GRIN2A: variants seen among roughly 807,000 people sequenced by gnomAD.
The protein encoded by GRIN2A is glutamate receptor ionotropic, NMDA 2A.
In GRIN2A, 22 loss-of-function variants were observed where a neutral mutation model predicts 113.4. That is an observed-to-expected ratio of 0.19 (90% CI 0.14 to 0.28). GRIN2A has a LOEUF of 0.28. GRIN2A is among the 10% of genes least tolerant of loss of function. The probability of loss-of-function intolerance (pLI) is 1.00; values close to 1 mark genes in which losing one functional copy is unlikely to be tolerated. For missense variants in GRIN2A, 1,502 were observed against 1,887.0 expected, an observed-to-expected ratio of 0.80 and a Z score of 3.78; for synonymous variants, 827 against 738.4, an observed-to-expected ratio of 1.12 and a Z score of -1.94.
chr16:10,067,779 G>C (rs1015156618), intron 2 of GRIN2A, among the ~76,000 whole-genome samples: 1 of 152,096 alleles, frequency 6.6e-6, no homozygotes, highest in Non-Finnish European at 1.5e-5. Flanking sequence ...GGATGCATGA[G>C]GGTTGTCATA....
At chr16:9,908,433 C>T (rs940967207) in intron 3 of GRIN2A, among the ~76,000 whole-genome samples, 1 of 151,846 alleles carries the variant, frequency 6.6e-6, no homozygotes, top group Non-Finnish European at 1.5e-5. Context: ...TACTATAGTC[C>T]TTCTTCCAGT....
At chr16:9,932,437 G>C (rs902465433) in intron 3 of GRIN2A, among the ~76,000 whole-genome samples, 2 of 152,092 alleles carry the variant, frequency 1.3e-5, no homozygotes, top group South Asian at 4.1e-4. Flanking sequence ...ATGCAGTGAC[G>C]TGATCTCAGC....
chr16:9,810,515 G>A (rs1326443378), intron 10 of GRIN2A, among the ~76,000 whole-genome samples: 1 of 152,068 alleles, frequency 6.6e-6, no homozygotes, highest in Non-Finnish European at 1.5e-5. Context: ...ATTTAGGGTG[G>A]GTCCTAACTC....
At chr16:10,018,970 C>T (rs1018484686) in intron 2 of GRIN2A, among the ~76,000 whole-genome samples, 3 of 152,044 alleles carry the variant, frequency 2.0e-5, no homozygotes, top group Non-Finnish European at 2.9e-5. Context: ...CCAAGTTCCC[C>T]CAAACCTCAA....
intron 10 of GRIN2A, among the ~76,000 whole-genome samples, chr16:9,808,663 A>C (rs12932412): frequency 0.27 from 41,346 of 152,076 alleles, 5,768 homozygotes; most frequent in African/African-American, 0.29. Context: ...TATTAGAGAC[A>C]GAATATTAAA....
chr16:10,053,227 C>G (rs1001207543), intron 2 of GRIN2A, among the ~76,000 whole-genome samples: 2 of 152,134 alleles, frequency 1.3e-5, no homozygotes, highest in Non-Finnish European at 2.9e-5. Flanking sequence ...AATCAAATGA[C>G]TGAGACAGAA....
At chr16:9,943,390 T>C (rs2044937473) in intron 2 of GRIN2A, 1 of 152,166 alleles carries the variant, frequency 6.6e-6, no homozygotes, top group Non-Finnish European at 1.5e-5. Context: ...TGTGTTTCAG[T>C]ACCATCATAA....
intron 2 of GRIN2A, among the ~76,000 whole-genome samples, chr16:9,976,459 T>C (rs771340140): frequency 3.9e-5 from 6 of 152,166 alleles, no homozygotes; most frequent in Non-Finnish European, 8.8e-5. Flanking sequence ...TGTTGAACGT[T>C]CCTTCCTCTG....
chr16:9,846,990 C>A (rs1184837485), intron 5 of GRIN2A, among the ~76,000 whole-genome samples: 1 of 152,106 alleles, frequency 6.6e-6, no homozygotes, highest in African/African-American at 2.4e-5. Flanking sequence ...ATGGACAATG[C>A]CAGCTCTTTC....
intron 4 of GRIN2A, among the ~76,000 whole-genome samples, chr16:9,872,915 C>G (rs141683918): frequency 4.6e-4 from 70 of 152,180 alleles, no homozygotes; most frequent in African/African-American, 1.6e-3. Flanking sequence ...CATGGTGGCA[C>G]TTGCCTATAG....
intron 2 of GRIN2A, among the ~76,000 whole-genome samples, chr16:10,168,914 A>G (rs2049980154): frequency 6.6e-6 from 1 of 151,616 alleles, no homozygotes; most frequent in Admixed American, 6.6e-5. Context: ...GCAGTAAACC[A>G]AGATCGTGCC....
At position 9,764,917 on chromosome 16, in the gene GRIN2A, A is replaced by G. The variant is rs199784503; in HGVS notation, c.2627T>C (p.Ile876Thr). The G allele has an allele frequency of 1.3e-4, 205 of 1,614,112 alleles. No individual in the cohort carries two copies. In the East Asian group the frequency reaches 2.4e-3, roughly 19 times the overall value. ...GIYSCIHGVH[I>T]EEKKKSPDFN... ...GTCTGGAGACTTCTTCTTTTCTTCAATGTGCACTCCATGAATGCAGCTGTA... is the reference window on the plus strand; with the variant it reads ...GTCTGGAGACTTCTTCTTTTCTTCAGTGTGCACTCCATGAATGCAGCTGTA... Residue 876 changes from isoleucine (I) to threonine (T), a missense_variant, in exon 13 of 13, where the codon ATT (isoleucine) becomes ACT (threonine). This residue lies in a region of GRIN2A where 832 missense variants were observed against 789.7 expected (regional missense o/e 1.05). Coordinates refer to ENST00000330684, the MANE Select transcript of GRIN2A (RefSeq NM_001134407.3).
At chr16:9,829,689 G>GA (rs772163332) in intron 8 of GRIN2A, 37 bp from the exon 9 acceptor site, 12 of 1,477,200 alleles carry the variant, frequency 8.1e-6, no homozygotes, top group East Asian at 4.5e-5. Context: ...AGCATTTTCT[G>GA]AAAAAAATGC....
At chr16:10,075,860 A>C (rs2047862514) in intron 2 of GRIN2A, among the ~76,000 whole-genome samples, 1 of 152,190 alleles carries the variant, frequency 6.6e-6, no homozygotes, top group Admixed American at 6.5e-5. Context: ...AATATGCTAA[A>C]AAATTAAAAA....
At chr16:10,014,217 T>G (rs548717787) in intron 2 of GRIN2A, among the ~76,000 whole-genome samples, 1 of 152,330 alleles carries the variant, frequency 6.6e-6, no homozygotes, top group South Asian at 2.1e-4. Context: ...CTCCAGTTTT[T>G]GGTCATTTTC....
intron 2 of GRIN2A, among the ~76,000 whole-genome samples, chr16:10,084,089 A>G (rs1313400157): frequency 6.6e-6 from 1 of 152,224 alleles, no homozygotes; most frequent in East Asian, 1.9e-4. Context: ...CAACAGAGTG[A>G]GACCCTGTCT....
intron 2 of GRIN2A, among the ~76,000 whole-genome samples, chr16:10,015,470 A>G (rs953640816): frequency 1.3e-5 from 2 of 152,038 alleles, no homozygotes; most frequent in African/African-American, 4.8e-5. Flanking sequence ...ACTCAGTGAC[A>G]CAACAACTAG....
rs760446221 is a variant in GRIN2A at position 9,938,231 on chromosome 16, G to A, written c.735C>T (p.Ser245=). The change falls in exon 3 of 13, where the codon TCC becomes TCT. Residue 245 remains serine (S), a synonymous_variant. Transcript: ENST00000330684. ...AGAAATCATACCCGGTGAGGCCAAG[G>A]GAGCGGGCCTCACTCAGAATGAGAA... ...EAVLILSEAR[S]LGLTGYDFFW... The A allele has an allele frequency of 4.3e-6, 7 of 1,613,354 alleles. No homozygotes were observed. In the East Asian group the frequency reaches 6.7e-5, roughly 15 times the overall value.
At chr16:9,973,637 T>A (rs1283667492) in intron 2 of GRIN2A, among the ~76,000 whole-genome samples, 1 of 152,066 alleles carries the variant, frequency 6.6e-6, no homozygotes, top group Non-Finnish European at 1.5e-5. Context: ...GTCAAACTGA[T>A]GAAAATCAAA....
Sources: allele counts gnomAD v4.1 joint callset (sites outside exome capture counted in the v4.1 genomes callset), GRCh38; gene constraint gnomAD v4.1.1; regional missense constraint gnomAD v4.1.1; transcripts MANE v1.5; gene names NCBI Gene and HGNC (gene_info 2026-07-23, HGNC 2026-07-21).